Variants in MUSK observed in about 807,000 individuals in gnomAD.
MUSK encodes the protein muscle, skeletal receptor tyrosine-protein kinase.
Under a neutral mutation model 88.7 loss-of-function variants are expected in MUSK, and 55 were observed. That is an observed-to-expected ratio of 0.62 (90% CI 0.50 to 0.78). The LOEUF is 0.78. Among genes scored for constraint, MUSK ranks in the 30% least tolerant of loss-of-function variants. MUSK has a pLI of 0.00. For missense variants in MUSK, 1,015 were observed against 1,074.3 expected (o/e 0.94, Z 0.77); for synonymous variants, 387 against 391.9 (o/e 0.99, Z 0.15).
chr9:110,694,400 A>C (rs10817076), intron 3 of MUSK, among the ~76,000 whole-genome samples: 33,466 of 130,440 alleles, frequency 0.26, 4,624 homozygotes, highest in Middle Eastern at 0.37. Flanking sequence ...AAAAAAAAAA[A>C]AAAAAACAAA....
rs10121913 is a variant in MUSK at position 110,755,963 on chromosome 9, T to C, written c.914-6239T>C. On this transcript the variant is annotated intron_variant, in intron 7 of 14. Transcript: ENST00000374448. The stretch of plus-strand genomic sequence containing the variant: ...ATATATATATATACACATATATATA[T>C]ACATATATATATATACATATATATA... Among the ~76,000 whole-genome samples, 9 of 66,296 alleles carry C rather than the reference T, an allele frequency of 1.4e-4. No individual in the cohort carries two copies. In the South Asian group the frequency reaches 2.2e-3, roughly 16 times the overall value. 43.5% of individuals were successfully genotyped at this position (66,296 alleles called of 152,430 possible).
intron 9 of MUSK, among the ~76,000 whole-genome samples, chr9:110,774,218 A>T (rs946241063): frequency 2.0e-5 from 3 of 152,128 alleles, no homozygotes; most frequent in Non-Finnish European, 4.4e-5. Flanking sequence ...TGAATATTTA[A>T]TTCAAATTTG....
At chr9:110,798,557 A>G (rs766651635) in intron 14 of MUSK, among the ~76,000 whole-genome samples, 2 of 152,142 alleles carry the variant, frequency 1.3e-5, no homozygotes, top group Non-Finnish European at 2.9e-5. Flanking sequence ...ATGCCCATCC[A>G]TCTATGCATC....
chr9:110,686,023 A>G (rs1021586934), intron 2 of MUSK, among the ~76,000 whole-genome samples: 2 of 152,180 alleles, frequency 1.3e-5, no homozygotes, highest in Non-Finnish European at 2.9e-5. Flanking sequence ...CTAAAACAAC[A>G]TAAACGTACT....
chr9:110,679,181 C>A (rs893074975), intron 1 of MUSK, among the ~76,000 whole-genome samples: 2 of 151,904 alleles, frequency 1.3e-5, no homozygotes, highest in African/African-American at 4.8e-5. Flanking sequence ...TGAAGGAGAT[C>A]TCTTAAAGGG....
intron 8 of MUSK, 146 bp downstream of exon 8, chr9:110,762,354 TTATTGAGTGTTTAC>T: frequency 4.2e-6 from 2 of 479,516 alleles, no homozygotes; most frequent in Non-Finnish European, 7.0e-6. Flanking sequence ...GACATGCCAT[TTATTGAGTGTTTAC>T]TATTTGCTGA....
At chr9:110,799,591 C>T (rs950047612) in intron 14 of MUSK, among the ~76,000 whole-genome samples, 2 of 152,202 alleles carry the variant, frequency 1.3e-5, no homozygotes, top group African/African-American at 4.8e-5. Flanking sequence ...ACATTACATA[C>T]TCAGAGCAAG....
chr9:110,789,813 A>C (rs498061), intron 14 of MUSK, among the ~76,000 whole-genome samples: 14,319 of 152,140 alleles, frequency 0.094, 1,622 homozygotes, highest in African/African-American at 0.27. Flanking sequence ...GGCGATGCTT[A>C]TTCAACATCC....
chr9:110,685,986 G>A (rs1457341700), intron 2 of MUSK, among the ~76,000 whole-genome samples: 1 of 152,046 alleles, frequency 6.6e-6, no homozygotes, highest in East Asian at 1.9e-4. Context: ...TATCCTTGCT[G>A]TAACAAATTA....
chr9:110,685,501 G>A (rs2076184803), intron 2 of MUSK, among the ~76,000 whole-genome samples: 2 of 151,972 alleles, frequency 1.3e-5, no homozygotes, highest in East Asian at 1.9e-4. Context: ...CCGCAGCTTC[G>A]ACACATTTCT....
At chr9:110,689,332 TTA>T (rs2076252413) in intron 3 of MUSK, among the ~76,000 whole-genome samples, 1 of 116,704 alleles carries the variant, frequency 8.6e-6, no homozygotes, top group Non-Finnish European at 1.6e-5. Flanking sequence ...AAATATATAT[TTA>T]AATATAAATA....
At chr9:110,704,031 G>A (rs2076564370) in intron 5 of MUSK, among the ~76,000 whole-genome samples, 1 of 152,216 alleles carries the variant, frequency 6.6e-6, no homozygotes, top group Non-Finnish European at 1.5e-5. Flanking sequence ...TAACAATAGA[G>A]TGTGGGGAAA....
chr9:110,695,289 A>T, intron 3 of MUSK, 114 bp from the exon 4 acceptor site: 1 of 737,380 alleles, frequency 1.4e-6, no homozygotes, highest in Non-Finnish European at 2.0e-6. Context: ...TTGTAATGTA[A>T]CATGCCTCAA....
At chr9:110,721,128 A>G (rs1046603436) in intron 5 of MUSK, among the ~76,000 whole-genome samples, 5 of 152,252 alleles carry the variant, frequency 3.3e-5, no homozygotes, top group Admixed American at 3.3e-4. Context: ...CCCACAGCCA[A>G]CGTTATACTG....
chr9:110,734,514 T>C (rs754499746), intron 6 of MUSK, 139 bp downstream of exon 6: 1 of 1,110,844 alleles, frequency 9.0e-7, no homozygotes, highest in Admixed American at 2.2e-5. Context: ...CCAATATCTT[T>C]GTCCTAGAAG....
intron 5 of MUSK, among the ~76,000 whole-genome samples, chr9:110,730,650 TA>T (rs983541741): frequency 3.9e-5 from 6 of 152,096 alleles, no homozygotes; most frequent in Non-Finnish European, 7.4e-5. Context: ...ATCTGGCATT[TA>T]TTTTTAATTG....
At chr9:110,779,471 C>T (rs1171225120) in intron 11 of MUSK, among the ~76,000 whole-genome samples, 1 of 152,146 alleles carries the variant, frequency 6.6e-6, no homozygotes, top group Non-Finnish European at 1.5e-5. Context: ...CTCTTCTTCA[C>T]ATTAAATATC....
intron 6 of MUSK, among the ~76,000 whole-genome samples, chr9:110,742,477 T>G (rs1387491400): frequency 1.3e-5 from 2 of 151,796 alleles, no homozygotes; most frequent in Non-Finnish European, 2.9e-5. Flanking sequence ...AAAATAAAAT[T>G]GGGAGACTGA....
chr9:110,798,491 G>A (rs543258961), intron 14 of MUSK, among the ~76,000 whole-genome samples: 115 of 152,270 alleles, frequency 7.6e-4, no homozygotes, highest in Admixed American at 2.1e-3. Flanking sequence ...ATTATTCATT[G>A]AAGATGTCAT....
Sources: gnomAD v4.1 joint callset for allele counts (sites outside exome capture counted in the v4.1 genomes callset) on GRCh38, gnomAD v4.1.1 for gene constraint, MANE v1.5 for transcripts, NCBI Gene and HGNC (gene_info 2026-07-23, HGNC 2026-07-21) for gene names.